The following CNTNAP2 variants were observed in gnomAD, a reference collection of about 807,000 sequenced individuals.
The protein encoded by CNTNAP2 is contactin-associated protein-like 2.
Under a neutral mutation model 155.2 loss-of-function variants are expected in CNTNAP2, and 98 were observed. The ratio of observed to expected loss-of-function variants is 0.63; its 90% CI spans 0.54 to 0.75. The LOEUF is 0.75. Ranked by LOEUF, CNTNAP2 falls within the 30% of genes least tolerant of loss-of-function variation. The probability of loss-of-function intolerance (pLI) is 0.00; values close to 1 mark genes in which losing one functional copy is unlikely to be tolerated. For missense variants in CNTNAP2, 1,727 were observed against 1,688.1 expected (o/e 1.02, Z -0.40); for synonymous variants, 651 against 631.2 (o/e 1.03, Z -0.47).
intron 1 of CNTNAP2, among the ~76,000 whole-genome samples, chr7:146,317,367 T>C (rs1251690895): frequency 6.6e-6 from 1 of 152,226 alleles, no homozygotes; most frequent in East Asian, 1.9e-4. Context: ...TTTGTATAAT[T>C]TGACAATAAT....
At chr7:147,033,398 G>A (rs972840314) in intron 3 of CNTNAP2, among the ~76,000 whole-genome samples, 1 of 151,430 alleles carries the variant, frequency 6.6e-6, no homozygotes, top group African/African-American at 2.4e-5. Context: ...CATGATCTCT[G>A]ACATCTAGCC....
At chr7:147,010,417 T>C (rs1307283817) in intron 3 of CNTNAP2, among the ~76,000 whole-genome samples, 1 of 152,078 alleles carries the variant, frequency 6.6e-6, no homozygotes, top group Non-Finnish European at 1.5e-5. Flanking sequence ...GATTATGCCT[T>C]CTTGAAAAAA....
chr7:147,717,451 T>C (rs1796497955), intron 13 of CNTNAP2, among the ~76,000 whole-genome samples: 1 of 152,098 alleles, frequency 6.6e-6, no homozygotes, highest in Non-Finnish European at 1.5e-5. Context: ...CAGTATCCCA[T>C]TTCATGGAAA....
chr7:146,931,991 C>T (rs1411632970), intron 3 of CNTNAP2, among the ~76,000 whole-genome samples: 5 of 151,146 alleles, frequency 3.3e-5, no homozygotes, highest in South Asian at 2.1e-4. Context: ...GATTCACAGC[C>T]GAATTCTACC....
chr7:148,136,068 G>A, intron 16 of CNTNAP2, among the ~76,000 whole-genome samples: 1 of 99,950 alleles, frequency 1.0e-5, no homozygotes, highest in South Asian at 4.8e-4. Context: ...GGGAGGGGAA[G>A]GGAGAGGGAG....
intron 1 of CNTNAP2, among the ~76,000 whole-genome samples, chr7:146,514,233 A>G (rs184455911): frequency 1.4e-3 from 214 of 152,124 alleles, no homozygotes; most frequent in African/African-American, 4.8e-3. Context: ...GTATTTACTT[A>G]GTGATACTTG....
intron 1 of CNTNAP2, among the ~76,000 whole-genome samples, chr7:146,754,664 C>T (rs371115882): frequency 7.9e-5 from 12 of 151,522 alleles, no homozygotes; most frequent in Admixed American, 3.3e-4. Flanking sequence ...GCCTTAGAGT[C>T]GAATGGTATC....
At chr7:146,824,136 G>A (rs139335240) in intron 2 of CNTNAP2, among the ~76,000 whole-genome samples, 1 of 152,044 alleles carries the variant, frequency 6.6e-6, no homozygotes, top group South Asian at 2.1e-4. Context: ...AACATGTGGT[G>A]TTTGGTTTTC....
At chr7:147,264,597 G>A (rs928783066) in intron 8 of CNTNAP2, among the ~76,000 whole-genome samples, 10 of 150,318 alleles carry the variant, frequency 6.7e-5, no homozygotes, top group East Asian at 2.1e-4. Flanking sequence ...GGCTAGCCTC[G>A]TCAAGCCATC....
chr7:147,342,345 A>AAT (rs1003016785), intron 9 of CNTNAP2, among the ~76,000 whole-genome samples: 2 of 124,044 alleles, frequency 1.6e-5, no homozygotes, highest in Non-Finnish European at 3.6e-5. Context: ...TCAAAGAAAA[A>AAT]ATATGTCTAT....
intron 13 of CNTNAP2, among the ~76,000 whole-genome samples, chr7:147,693,540 C>G (rs1339588183): frequency 1.3e-5 from 2 of 151,590 alleles, no homozygotes; most frequent in Non-Finnish European, 3.0e-5. Context: ...TGTTATAGCT[C>G]TTGTGCATAT....
At chr7:148,090,055 T>C (rs1331386707) in intron 15 of CNTNAP2, among the ~76,000 whole-genome samples, 4 of 151,888 alleles carry the variant, frequency 2.6e-5, no homozygotes, top group Admixed American at 6.6e-5. Context: ...TATCCATACA[T>C]AGAAGTGTGA....
intron 2 of CNTNAP2, among the ~76,000 whole-genome samples, chr7:146,779,489 A>G (rs1007976568): frequency 1.3e-5 from 2 of 152,192 alleles, no homozygotes; most frequent in Admixed American, 1.3e-4. Context: ...TTTTTGAATT[A>G]GCCCAATGAT....
At chr7:148,349,502 C>T (rs556224636) in intron 21 of CNTNAP2, among the ~76,000 whole-genome samples, 5 of 150,742 alleles carry the variant, frequency 3.3e-5, no homozygotes, top group Non-Finnish European at 5.9e-5. Context: ...CCCAGGTTCA[C>T]GCCATTCTCC....
At chr7:146,769,045 A>T (rs576035386) in intron 1 of CNTNAP2, among the ~76,000 whole-genome samples, 36 of 152,326 alleles carry the variant, frequency 2.4e-4, no homozygotes, top group African/African-American at 8.2e-4. Flanking sequence ...CCTCTGCTCC[A>T]GCTTGAGTTA....
intron 21 of CNTNAP2, among the ~76,000 whole-genome samples, chr7:148,318,055 G>C (rs1330539253): frequency 6.6e-6 from 1 of 152,186 alleles, no homozygotes; most frequent in African/African-American, 2.4e-5. Flanking sequence ...CGGAGAGATG[G>C]CCCTTTCATC....
At chr7:148,065,202 T>G (rs1463207122) in intron 15 of CNTNAP2, among the ~76,000 whole-genome samples, 2 of 152,220 alleles carry the variant, frequency 1.3e-5, no homozygotes, top group Non-Finnish European at 2.9e-5. Context: ...ACTTGTTTTG[T>G]GGCCTATCAT....
chr7:146,200,418 C>T (rs990119837), intron 1 of CNTNAP2, among the ~76,000 whole-genome samples: 13 of 151,890 alleles, frequency 8.6e-5, no homozygotes, highest in Admixed American at 4.6e-4. Flanking sequence ...CACTTGAACC[C>T]GGAAGGCGGA....
chr7:148,104,550 C>T (rs1466986680), intron 15 of CNTNAP2, among the ~76,000 whole-genome samples: 1 of 152,120 alleles, frequency 6.6e-6, no homozygotes, highest in Admixed American at 6.6e-5. Flanking sequence ...TTTTACAGCT[C>T]AGCTATGACC....
Sources: allele counts gnomAD v4.1 joint callset (sites outside exome capture counted in the v4.1 genomes callset), GRCh38; gene constraint gnomAD v4.1.1; transcripts MANE v1.5; gene names NCBI Gene and HGNC (gene_info 2026-07-23, HGNC 2026-07-21).